Variants in TTC12 observed in about 807,000 individuals in gnomAD.
TTC12 encodes the protein tetratricopeptide repeat protein 12.
Under a neutral mutation model 90.1 loss-of-function variants are expected in TTC12, and 70 were observed. The ratio of observed to expected loss-of-function variants is 0.78; its 90% CI spans 0.64 to 0.95. The LOEUF (loss-of-function observed/expected upper bound fraction) is 0.95. TTC12 is among the 40% of genes least tolerant of loss of function. The pLI, the probability that TTC12 is intolerant of heterozygous loss-of-function variation, is 0.00. For missense variants in TTC12, 819 were observed against 846.1 expected (o/e 0.97, Z 0.40); for synonymous variants, 296 against 311.5 (o/e 0.95, Z 0.53).
At chr11:113,368,487 C>A, downstream of TTC12, 1 of 1,550,434 alleles carries the variant, frequency 6.4e-7, no homozygotes, top group South Asian at 1.2e-5. Flanking sequence ...TCTGGTTCAA[C>A]AAGCAGAGGA....
chr11:113,362,264 T>C, intron 18 of TTC12, 137 bp from the exon 19 acceptor site: 1 of 630,166 alleles, frequency 1.6e-6, no homozygotes, highest in Admixed American at 2.9e-5. Flanking sequence ...TGCTTTCTAT[T>C]ATTTGGCCAT....
rs1157287512 is a variant in TTC12, at chr11:113,338,729, A to T, written c.577-45A>T. On this transcript the variant is annotated intron_variant, in intron 8 of 21. Coordinates refer to ENST00000529221, the MANE Select transcript of TTC12 (RefSeq NM_017868.4). ...GACACCCAGTGTCTTTCTCATAATC[A>T]CCTTTACCCCAACCACTCTTCAAGG... 15 of 1,510,472 alleles carry T rather than the reference A, an allele frequency of 9.9e-6. No homozygotes were observed. In the African/African-American group the frequency reaches 1.9e-4, roughly 19 times the overall value. The allele number at this position is 1,510,472 out of a possible 1,614,324, so 93.6% of individuals were successfully genotyped here. A position where few individuals can be genotyped will look rare whatever the true frequency, so the allele number is the denominator to read the frequency against.
chr11:113,372,296 T>C (rs776546502), intron 21 of TTC12, among the ~76,000 whole-genome samples: 2 of 152,244 alleles, frequency 1.3e-5, no homozygotes, highest in Non-Finnish European at 2.9e-5. Flanking sequence ...ACTTGACTTA[T>C]TGCCATAGCC....
intron 11 of TTC12, among the ~76,000 whole-genome samples, chr11:113,341,132 A>C (rs567093122): frequency 6.6e-6 from 1 of 152,314 alleles, no homozygotes; most frequent in Non-Finnish European, 1.5e-5. Flanking sequence ...CAGGAGGCTG[A>C]GGCACGAGAA....
intron 1 of TTC12, chr11:113,315,087 C>T (rs1555134728): frequency 6.6e-6 from 1 of 152,266 alleles, no homozygotes; most frequent in East Asian, 1.9e-4. Flanking sequence ...TACCGTTGGG[C>T]AGATTAATTC....
At chr11:113,323,215 G>T in intron 2 of TTC12, 73 bp from the exon 3 acceptor site, 5 of 1,178,926 alleles carry the variant, frequency 4.2e-6, no homozygotes, top group Non-Finnish European at 5.6e-6. Flanking sequence ...TGCATTTTAT[G>T]CACCATCCTT....
At position 113,344,361 on chromosome 11, in the gene TTC12, C is replaced by T. The variant is rs906685337; in HGVS notation, c.1075C>T (p.Gln359Ter). 1.9e-6 allele frequency: 3 copies of T among 1,614,228 alleles called. No individual in the cohort carries two copies. The highest frequency in any genetic ancestry group is 1.7e-5 in the Admixed American group (1 of 60,028). ...LSSKVLAIRQ[Q>*]SFALLLHLAQ... ...CTCCAAGGTCCTGGCCATCCGGCAG[C>T]AGAGCTTTGCCCTGCTGCTGCATCT... is the stretch of plus-strand genomic sequence containing the variant. Residue 359 changes from glutamine to a stop codon, truncating the protein, a stop_gained, in exon 13 of 22, where the codon CAG (glutamine) becomes TAG (stop). Transcript: ENST00000529221. LOFTEE classifies it high-confidence loss of function.
chr11:113,322,911 A>G (rs548768494), intron 2 of TTC12, among the ~76,000 whole-genome samples: 7 of 152,122 alleles, frequency 4.6e-5, no homozygotes, highest in African/African-American at 1.4e-4. Flanking sequence ...CTGTACTTAC[A>G]TGTTTGTCTC....
chr11:113,370,477 TG>T (rs1950352064), downstream of TTC12, among the ~76,000 whole-genome samples: 1 of 152,252 alleles, frequency 6.6e-6, no homozygotes, highest in Admixed American at 6.5e-5. Flanking sequence ...AGCCAAGCAC[TG>T]GGCTTCTGTG....
intron 16 of TTC12, among the ~76,000 whole-genome samples, chr11:113,358,682 T>G (rs868918416): frequency 3.3e-5 from 5 of 152,184 alleles, no homozygotes; most frequent in African/African-American, 7.2e-5. Flanking sequence ...CGCCCAACCC[T>G]CTGGGCTCCA....
At chr11:113,344,575 G>A in intron 13 of TTC12, 135 bp downstream of exon 13, 1 of 937,102 alleles carries the variant, frequency 1.1e-6, no homozygotes, top group Non-Finnish European at 1.6e-6. Flanking sequence ...TGACAAGAGT[G>A]CTCTGTCATG....
Position 113,336,866 on chromosome 11 carries a change from C to T in TTC12, c.576+1829C>T, listed in dbSNP as rs559853380. Among the ~76,000 whole-genome samples, 13 of 152,184 alleles carry T rather than the reference C, an allele frequency of 8.5e-5. No individual in the cohort carries two copies. In the South Asian group the frequency reaches 2.5e-3, roughly 29 times the overall value. ...ATTTCTATATGAACTTCAAGATTATCGTGTCGATTTTTGCAAAGAAACCAG... is the reference window on the plus strand; with the variant it reads ...ATTTCTATATGAACTTCAAGATTATTGTGTCGATTTTTGCAAAGAAACCAG... On this transcript the variant is annotated intron_variant, in intron 8 of 21. Transcript: ENST00000529221.
At chr11:113,318,696 G>A (rs782100871) in intron 2 of TTC12, among the ~76,000 whole-genome samples, 12 of 152,138 alleles carry the variant, frequency 7.9e-5, no homozygotes, top group South Asian at 2.1e-4. Context: ...AGAGTGAGTC[G>A]GAGTTGGTCA....
At chr11:113,333,358 A>G (rs1478685154) in intron 7 of TTC12, among the ~76,000 whole-genome samples, 1 of 152,066 alleles carries the variant, frequency 6.6e-6, no homozygotes, top group Non-Finnish European at 1.5e-5. Context: ...GACTCAGCCC[A>G]GATCCCTCCT....
intron 12 of TTC12, among the ~76,000 whole-genome samples, chr11:113,342,487 AC>A (rs2138001804): frequency 6.6e-6 from 1 of 152,184 alleles, no homozygotes; most frequent in East Asian, 1.9e-4. Context: ...AATTTTACTT[AC>A]TTCTGTCATT....
intron 13 of TTC12, among the ~76,000 whole-genome samples, chr11:113,347,530 A>G (rs1295286840): frequency 3.9e-5 from 6 of 152,162 alleles, no homozygotes; most frequent in African/African-American, 1.4e-4. Flanking sequence ...CCATTTCAAG[A>G]CAGTTCTGAT....
chr11:113,317,144 A>G (rs540147789), intron 2 of TTC12, among the ~76,000 whole-genome samples: 3 of 152,324 alleles, frequency 2.0e-5, no homozygotes, highest in African/African-American at 7.2e-5. Flanking sequence ...TGGTCTAAAC[A>G]TGTAGCTTTA....
chr11:113,329,834 C>A, intron 6 of TTC12, 86 bp from the exon 7 acceptor site: 1 of 1,119,454 alleles, frequency 8.9e-7, no homozygotes, highest in Non-Finnish European at 1.4e-6. Context: ...CGCTGACATT[C>A]TACTGTTCGA....
chr11:113,355,369 CTAAT>C (rs1555152061), intron 16 of TTC12, among the ~76,000 whole-genome samples: 1 of 151,830 alleles, frequency 6.6e-6, no homozygotes, highest in African/African-American at 2.4e-5. Context: ...TTTAGTCTAA[CTAAT>C]GGTCTATTTT....
Sources: allele counts gnomAD v4.1 joint callset (sites outside exome capture counted in the v4.1 genomes callset), GRCh38; gene constraint gnomAD v4.1.1; transcripts MANE v1.5; gene names NCBI Gene and HGNC (gene_info 2026-07-23, HGNC 2026-07-21).